RAP1GDS1: variants seen among roughly 807,000 people sequenced by gnomAD.
RAP1GDS1 encodes RAP1, GTP-GDP dissociation stimulator 1.
RAP1GDS1 carries 35 observed loss-of-function variants against 71.1 expected under a neutral mutation model. That is an observed-to-expected ratio of 0.49 (90% CI 0.38 to 0.65). RAP1GDS1 has a LOEUF of 0.65. RAP1GDS1 is among the 30% of genes least tolerant of loss of function. The pLI is 0.00. For missense variants in RAP1GDS1, 663 were observed against 706.1 expected (o/e 0.94, Z 0.69); for synonymous variants, 229 against 243.1 (o/e 0.94, Z 0.54).
chr4:98,364,330 G>A (rs536192511), intron 4 of RAP1GDS1, among the ~76,000 whole-genome samples: 3 of 152,154 alleles, frequency 2.0e-5, no homozygotes, highest in African/African-American at 7.2e-5. Context: ...AGTCATCTCA[G>A]CCACCCCTGC....
intron 1 of RAP1GDS1, among the ~76,000 whole-genome samples, chr4:98,279,087 G>T (rs1048945369): frequency 6.6e-6 from 1 of 152,084 alleles, no homozygotes; most frequent in African/African-American, 2.4e-5. Flanking sequence ...AGCTGGGCAT[G>T]GTGGTGGGCA....
chr4:98,309,752 C>T (rs1385593854), intron 2 of RAP1GDS1, among the ~76,000 whole-genome samples: 2 of 151,656 alleles, frequency 1.3e-5, no homozygotes, highest in Non-Finnish European at 2.9e-5. Flanking sequence ...CTTGAAAATG[C>T]CATATTCTTA....
At chr4:98,414,499 C>G (rs1747606779) in intron 7 of RAP1GDS1, among the ~76,000 whole-genome samples, 3 of 150,024 alleles carry the variant, frequency 2.0e-5, no homozygotes, top group Non-Finnish European at 4.4e-5. Context: ...TTGTTTTTCT[C>G]AGGTTTGTCA....
At chr4:98,331,714 AG>A (rs1734041772) in intron 2 of RAP1GDS1, among the ~76,000 whole-genome samples, 1 of 152,168 alleles carries the variant, frequency 6.6e-6, no homozygotes, top group Non-Finnish European at 1.5e-5. Flanking sequence ...ACAAGATGAG[AG>A]ATACATTCTT....
At chr4:98,303,700 A>T (rs1253507782) in intron 2 of RAP1GDS1, among the ~76,000 whole-genome samples, 1 of 150,716 alleles carries the variant, frequency 6.6e-6, no homozygotes, top group East Asian at 1.9e-4. Context: ...GAACTTTTTA[A>T]AAAAAATTAT....
chr4:98,276,559 AAAGT>A (rs1249028750), intron 1 of RAP1GDS1, among the ~76,000 whole-genome samples: 1 of 150,768 alleles, frequency 6.6e-6, no homozygotes, highest in African/African-American at 2.4e-5. Flanking sequence ...TATTTTTCTT[AAAGT>A]ATGTCTTTCT....
chr4:98,373,988 T>G (rs1409342038), intron 4 of RAP1GDS1, among the ~76,000 whole-genome samples: 3 of 152,206 alleles, frequency 2.0e-5, no homozygotes, highest in Admixed American at 1.3e-4. Flanking sequence ...GTGTAAAATT[T>G]TATGTTACTC....
chr4:98,392,181 ATTAG>A (rs1743802831), intron 6 of RAP1GDS1, 101 bp downstream of exon 6: 2 of 1,124,844 alleles, frequency 1.8e-6, no homozygotes, highest in Admixed American at 6.0e-5. Flanking sequence ...TTTAGATTGT[ATTAG>A]TTTATTTTTT....
chr4:98,271,528 T>G (rs1356935578), intron 1 of RAP1GDS1, among the ~76,000 whole-genome samples: 1 of 152,138 alleles, frequency 6.6e-6, no homozygotes, highest in Non-Finnish European at 1.5e-5. Context: ...ATATCCACCA[T>G]ACAGACATAA....
chr4:98,378,005 T>TATCA (rs1741422097), intron 4 of RAP1GDS1, among the ~76,000 whole-genome samples: 1 of 151,912 alleles, frequency 6.6e-6, no homozygotes, highest in Non-Finnish European at 1.5e-5. Flanking sequence ...TTGATTTGCA[T>TATCA]ATCAGAGTGA....
Position 98,352,526 on chromosome 4 carries a change from C to A in RAP1GDS1, c.286C>A (p.Gln96Lys). The stretch of plus-strand genomic sequence containing the variant: ...TGCTGGATTGATTTCACCACTGGTG[C>A]AGCTGCTAAATAGCAAAGACCAGGA... Reference protein sequence around the residue: ...VDAGLISPLVQLLNSKDQEVL... With the variant: ...VDAGLISPLVKLLNSKDQEVL... Residue 96 changes from glutamine (Q) to lysine (K), a missense_variant, in exon 4 of 15, where the codon CAG becomes AAG. Transcript: ENST00000408927. 1 of 1,613,916 alleles carries A rather than the reference C, an allele frequency of 6.2e-7. No homozygotes were observed. Among genetic ancestry groups the A allele is most frequent in the South Asian group, 1.1e-5 (1 of 91,072 alleles).
At chr4:98,339,965 G>A (rs1248304233) in intron 2 of RAP1GDS1, among the ~76,000 whole-genome samples, 2 of 150,408 alleles carry the variant, frequency 1.3e-5, no homozygotes, top group African/African-American at 4.9e-5. Context: ...TATTGGGCAT[G>A]TACCCAAAGG....
intron 2 of RAP1GDS1, among the ~76,000 whole-genome samples, chr4:98,334,317 C>A (rs535569086): frequency 4.6e-5 from 7 of 151,192 alleles, no homozygotes; most frequent in African/African-American, 1.7e-4. Flanking sequence ...ACAAAAAAAA[C>A]CTCTTTTACC....
intron 5 of RAP1GDS1, 111 bp downstream of exon 5, chr4:98,379,274 G>T: frequency 9.2e-7 from 1 of 1,086,494 alleles, no homozygotes; most frequent in Non-Finnish European, 1.2e-6. Context: ...ATTCGTAAGT[G>T]GCATATAAAA....
intron 6 of RAP1GDS1, chr4:98,396,602 G>A (rs1321887742): frequency 6.6e-6 from 1 of 152,152 alleles, no homozygotes; most frequent in African/African-American, 2.4e-5. Context: ...TACCCCATTT[G>A]GAGGAAGAAA....
intron 2 of RAP1GDS1, among the ~76,000 whole-genome samples, chr4:98,319,554 G>A (rs888603950): frequency 2.0e-5 from 3 of 152,000 alleles, no homozygotes; most frequent in African/African-American, 7.3e-5. Context: ...GCCGGGGTGA[G>A]CAGATCACTT....
At chr4:98,285,817 TAATA>T in intron 1 of RAP1GDS1, among the ~76,000 whole-genome samples, 1 of 145,528 alleles carries the variant, frequency 6.9e-6, no homozygotes, top group East Asian at 2.0e-4. Flanking sequence ...TTAATATTTA[TAATA>T]AATAATTATA....
At chr4:98,267,125 A>G (rs534249631) in intron 1 of RAP1GDS1, among the ~76,000 whole-genome samples, 142 of 152,274 alleles carry the variant, frequency 9.3e-4, no homozygotes, top group South Asian at 8.9e-3. Flanking sequence ...TCAGTTTGCC[A>G]GTATTTTGTT....
At chr4:98,424,306 A>G (rs1037502261) in intron 12 of RAP1GDS1, among the ~76,000 whole-genome samples, 1 of 152,170 alleles carries the variant, frequency 6.6e-6, no homozygotes. Context: ...TTGCAGGGGT[A>G]TACAATCATT....
Sources: allele counts gnomAD v4.1 joint callset (sites outside exome capture counted in the v4.1 genomes callset), GRCh38; gene constraint gnomAD v4.1.1; transcripts MANE v1.5; gene names NCBI Gene and HGNC (gene_info 2026-07-23, HGNC 2026-07-21).